The following SND1 variants were observed in gnomAD, a reference collection of about 807,000 sequenced individuals.
SND1 encodes staphylococcal nuclease domain-containing protein 1.
Under a neutral mutation model 121.7 loss-of-function variants are expected in SND1, and 38 were observed. That is an observed-to-expected ratio of 0.31 (90% CI 0.24 to 0.41). The LOEUF is 0.41. Among genes scored for constraint, SND1 ranks in the 10% least tolerant of loss-of-function variants. The probability of loss-of-function intolerance (pLI) is 1.00; values close to 1 mark genes in which losing one functional copy is unlikely to be tolerated. For missense variants in SND1, 868 were observed against 1,184.6 expected (o/e 0.73, Z 3.92); for synonymous variants, 401 against 447.4 (o/e 0.90, Z 1.31).
chr7:128,042,824 T>C (rs1268024572), intron 16 of SND1, among the ~76,000 whole-genome samples: 1 of 152,198 alleles, frequency 6.6e-6, no homozygotes, highest in Non-Finnish European at 1.5e-5. Context: ...CCCTGTCTTG[T>C]TTTTAATGCC....
At chr7:127,796,327 A>G (rs1342465187) in intron 10 of SND1, among the ~76,000 whole-genome samples, 1 of 152,156 alleles carries the variant, frequency 6.6e-6, no homozygotes, top group African/African-American at 2.4e-5. Context: ...GAGATTTACT[A>G]ACCAGATTTA....
At chr7:127,688,152 G>C (rs1795849128) in intron 2 of SND1, among the ~76,000 whole-genome samples, 2 of 152,046 alleles carry the variant, frequency 1.3e-5, no homozygotes, top group Admixed American at 1.3e-4. Context: ...TTGTTTTATG[G>C]TTATTTGAGA....
At chr7:127,980,680 C>T (rs1255565113) in intron 15 of SND1, among the ~76,000 whole-genome samples, 1 of 152,206 alleles carries the variant, frequency 6.6e-6, no homozygotes, top group Non-Finnish European at 1.5e-5. Flanking sequence ...GTACACTCCA[C>T]ACATCTCAGA....
chr7:127,700,965 T>C (rs1796089976), intron 4 of SND1, among the ~76,000 whole-genome samples, 198 bp from the exon 5 acceptor site: 2 of 152,182 alleles, frequency 1.3e-5, no homozygotes, highest in Admixed American at 1.3e-4. Context: ...AACCTTTTGT[T>C]TGAAAGGACA....
At position 127,929,110 on chromosome 7, in the gene SND1, T is replaced by C. The variant is rs923443150; in HGVS notation, c.1528-78T>C. 5.1e-5 allele frequency: 76 copies of C among 1,478,386 alleles called. 1 individual carries two copies. The Admixed American group carries it at 1.2e-3, about 23-fold the overall frequency. The allele number at this position is 1,478,386 out of a possible 1,614,324, so 91.6% of individuals were successfully genotyped here. Reference sequence around the variant, plus strand: ...TTATTTGCTTAGCTTCCTGCCAAACTTTTTGTCCTAGACTATAAAGAAAGA... The same window carrying C: ...TTATTTGCTTAGCTTCCTGCCAAACCTTTTGTCCTAGACTATAAAGAAAGA... On this transcript the variant is annotated intron_variant, in intron 14 of 23. Transcript: ENST00000354725.
intron 11 of SND1, among the ~76,000 whole-genome samples, chr7:127,831,932 G>C (rs895833775): frequency 6.6e-6 from 1 of 152,150 alleles, no homozygotes; most frequent in Non-Finnish European, 1.5e-5. Context: ...CCCTTCTACA[G>C]TGCCAAGTAT....
chr7:128,091,436 C>T (rs568943169), intron 22 of SND1, among the ~76,000 whole-genome samples: 1 of 151,804 alleles, frequency 6.6e-6, no homozygotes, highest in Admixed American at 6.6e-5. Flanking sequence ...TCTTGAACTC[C>T]TGGGCTCAAG....
intron 14 of SND1, among the ~76,000 whole-genome samples, chr7:127,919,730 AT>A (rs1394048434): frequency 6.6e-6 from 1 of 152,190 alleles, no homozygotes; most frequent in African/African-American, 2.4e-5. Flanking sequence ...ATTCATTATC[AT>A]TTAATTCTTA....
intron 16 of SND1, among the ~76,000 whole-genome samples, chr7:128,033,808 C>T (rs1334196365): frequency 2.0e-5 from 3 of 152,156 alleles, no homozygotes; most frequent in Non-Finnish European, 2.9e-5. Flanking sequence ...AGCCTCAGCA[C>T]GTCTCAGATG....
chr7:128,074,059 C>T (rs1012531967), intron 16 of SND1, among the ~76,000 whole-genome samples: 1 of 152,172 alleles, frequency 6.6e-6, no homozygotes, highest in African/African-American at 2.4e-5. Context: ...TCATTAGACA[C>T]GAATTCATTC....
intron 10 of SND1, among the ~76,000 whole-genome samples, chr7:127,805,234 A>ATGT (rs1395355896): frequency 1.3e-5 from 2 of 152,076 alleles, no homozygotes; most frequent in Non-Finnish European, 2.9e-5. Context: ...GAAAACCTCA[A>ATGT]TGTTATTTTG....
At chr7:127,668,947 T>C (rs549219793) in intron 1 of SND1, among the ~76,000 whole-genome samples, 26 of 152,232 alleles carry the variant, frequency 1.7e-4, no homozygotes, top group Non-Finnish European at 3.1e-4. Flanking sequence ...CAGTAGTTCA[T>C]GTTATCTGTG....
chr7:127,863,941 ATATACT>A (rs1241419564), intron 12 of SND1, among the ~76,000 whole-genome samples: 6 of 152,234 alleles, frequency 3.9e-5, no homozygotes, highest in East Asian at 1.9e-4. Flanking sequence ...GGAATATACG[ATATACT>A]TATAAGACAA....
At chr7:127,952,805 A>G (rs989914411) in intron 15 of SND1, among the ~76,000 whole-genome samples, 2 of 152,206 alleles carry the variant, frequency 1.3e-5, no homozygotes, top group African/African-American at 2.4e-5. Flanking sequence ...ATCTTTTATC[A>G]ATAGAATCTC....
intron 15 of SND1, among the ~76,000 whole-genome samples, chr7:127,990,434 G>A (rs779331173): frequency 3.9e-5 from 6 of 152,148 alleles, no homozygotes; most frequent in Non-Finnish European, 8.8e-5. Flanking sequence ...GAGTTGAGAG[G>A]GGAGGCTTAT....
intron 16 of SND1, among the ~76,000 whole-genome samples, chr7:128,066,253 T>G (rs892090481): frequency 6.6e-5 from 10 of 152,142 alleles, no homozygotes; most frequent in Non-Finnish European, 1.0e-4. Flanking sequence ...CACCCTGAGC[T>G]TCTAGAGCCA....
intron 17 of SND1, among the ~76,000 whole-genome samples, chr7:128,076,716 G>C (rs1793512396): frequency 6.6e-6 from 1 of 152,246 alleles, no homozygotes; most frequent in South Asian, 2.1e-4. Context: ...AGGAATGTTT[G>C]TGCCTGTAGC....
At chr7:127,723,626 G>A (rs953212118) in intron 10 of SND1, among the ~76,000 whole-genome samples, 7 of 152,134 alleles carry the variant, frequency 4.6e-5, no homozygotes, top group African/African-American at 1.4e-4. Context: ...AAGAGTAGCC[G>A]GTTTTGGTGG....
At chr7:127,871,048 C>T (rs1039624138) in intron 12 of SND1, among the ~76,000 whole-genome samples, 1 of 151,960 alleles carries the variant, frequency 6.6e-6, no homozygotes, top group Admixed American at 6.6e-5. Flanking sequence ...CAAACATACA[C>T]ATTAGCCTAG....
Sources: allele counts gnomAD v4.1 joint callset (sites outside exome capture counted in the v4.1 genomes callset), GRCh38; gene constraint gnomAD v4.1.1; transcripts MANE v1.5; gene names NCBI Gene and HGNC (gene_info 2026-07-23, HGNC 2026-07-21).